Variants in PRR14L observed in about 807,000 individuals in gnomAD.
PRR14L encodes the protein proline rich 14 like, also known as protein PRR14L.
PRR14L carries 80 observed loss-of-function variants against 155.0 expected under a neutral mutation model. The observed-to-expected ratio is 0.52, with a 90% CI of 0.43 to 0.62. PRR14L has a LOEUF of 0.62. PRR14L is among the 20% of genes least tolerant of loss of function. PRR14L has a pLI of 0.00. For missense variants in PRR14L, 2,469 were observed against 2,548.0 expected, an observed-to-expected ratio of 0.97 and a Z score of 0.67; for synonymous variants, 883 against 916.0, an observed-to-expected ratio of 0.96 and a Z score of 0.65.
Position 31,737,834 on chromosome 22 carries a change from G to A in PRR14L, c.474+553C>T, listed in dbSNP as rs778880033. The stretch of plus-strand genomic sequence containing the variant: ...TCGAGACCAGCCTGGCCAACATGAC[G>A]AAACCCCGTCTCTACTAAAAACACA... On this transcript the variant is annotated intron_variant, in intron 2 of 8. Transcript: ENST00000327423. Among the ~76,000 whole-genome samples the A allele has an allele frequency of 9.9e-5, 15 of 152,014 alleles. 1 individual carries two copies. The highest frequency in any genetic ancestry group is 2.1e-4 in the South Asian group (1 of 4,804).
chr22:31,688,173 T>C lies in PRR14L; in HGVS notation c.6162A>G (p.Lys2054=). The change falls in exon 8 of 9, where the codon AAA becomes AAG. Residue 2054 remains lysine (K), a synonymous_variant. Transcript: ENST00000327423. ...GTACCTACCTGTTTGCAGGAGGAGA[T>C]TTATAATTCTTGTTGGTATATATCT... The part of the protein sequence containing the change: ...LEEIYTNKNY[K]SPPANRCLET... 1 of 1,605,044 alleles carries C rather than the reference T, an allele frequency of 6.2e-7. No individual in the cohort carries two copies. The highest frequency in any genetic ancestry group is 8.5e-7 in the Non-Finnish European group (1 of 1,176,448).
At chr22:31,698,543 AAAAG>A (rs759925838) in intron 7 of PRR14L, among the ~76,000 whole-genome samples, 11 of 152,150 alleles carry the variant, frequency 7.2e-5, no homozygotes, top group African/African-American at 2.2e-4. Flanking sequence ...TCAAAAAAAA[AAAAG>A]AAAGCAATCA....
rs1370438573 is a variant in PRR14L, at chr22:31,714,440, T to G, written c.3399A>C (p.Glu1133Asp). 1.0e-5 allele frequency: 16 copies of G among 1,551,556 alleles called. No individual in the cohort carries two copies. Among genetic ancestry groups the G allele is most frequent in the Non-Finnish European group, 1.2e-5 (14 of 1,146,972 alleles). Reference sequence around the variant, plus strand: ...CTTTTAAAGATCTGCATACGTTTTCTTCACATGATTTTTTTATTTTGAGAA... The same window carrying G: ...CTTTTAAAGATCTGCATACGTTTTCGTCACATGATTTTTTTATTTTGAGAA... ...VDFLKIKKSC[E>D]ENVCRSLKDC... Residue 1133 changes from glutamate (E) to aspartate (D), a missense_variant, in exon 4 of 9, where the codon GAA becomes GAC. Glu to Asp is a conservative substitution (Grantham distance 45). Transcript: ENST00000327423.
Position 31,684,307 on chromosome 22 carries a change from G to A in PRR14L, c.*1220C>T, listed in dbSNP as rs1454558779. ...TGGCCCTCAAAGAAGGCTGGCTGGG[G>A]ATTTTTGAGATCCCACTGCAGGAAC... On this transcript the variant is annotated 3_prime_UTR_variant, in exon 9 of 9. Transcript: ENST00000327423. 2 of 152,188 alleles carry A rather than the reference G, an allele frequency of 1.3e-5. No individual in the cohort carries two copies. The highest frequency in any genetic ancestry group is 2.9e-5 in the Non-Finnish European group (2 of 68,044). 9.4% of individuals were successfully genotyped at this position (152,188 alleles called of 1,614,324 possible).
At chr22:31,709,030 T>C (rs547071699) in intron 4 of PRR14L, among the ~76,000 whole-genome samples, 19 of 151,190 alleles carry the variant, frequency 1.3e-4, no homozygotes, top group Non-Finnish European at 2.2e-4. Context: ...TCCACGTTGG[T>C]CAGGCTGGTC....
chr22:31,738,312 G>A (rs966699515), intron 2 of PRR14L, 75 bp downstream of exon 2: 82 of 1,195,480 alleles, frequency 6.9e-5, no homozygotes, highest in Middle Eastern at 2.0e-4. Flanking sequence ...TGAGCCAACC[G>A]TCAGCATCTG....
chr22:31,684,741 GT>G lies in PRR14L; in HGVS notation c.*785del, dbSNP rs2074473803. The G allele has an allele frequency of 2.6e-5, 4 of 152,104 alleles. No homozygotes were observed. The South Asian group carries it at 8.3e-4, about 32-fold the overall frequency. The allele number at this position is 152,104 out of a possible 1,614,324, so 9.4% of individuals were successfully genotyped here. A position where few individuals can be genotyped will look rare whatever the true frequency, so the allele number is the denominator to read the frequency against. ...ATCATGTATTCTTAAGACATGTATT[GT>G]TTTTCTCCTTAAAAAAATGTTTTAA... On this transcript the variant is annotated 3_prime_UTR_variant, in exon 9 of 9. Coordinates refer to ENST00000327423, the MANE Select transcript of PRR14L (RefSeq NM_173566.3).
chr22:31,691,956 C>T (rs2074513968), intron 7 of PRR14L, among the ~76,000 whole-genome samples: 2 of 152,018 alleles, frequency 1.3e-5, no homozygotes, highest in African/African-American at 4.8e-5. Context: ...CAACCTCCAC[C>T]TCCTGCGTTA....
chr22:31,722,266 C>A (rs1321749022), intron 3 of PRR14L, among the ~76,000 whole-genome samples: 1 of 151,642 alleles, frequency 6.6e-6, no homozygotes, highest in Non-Finnish European at 1.5e-5. Flanking sequence ...TCCGTCTCTA[C>A]TAAAAATACA....
Position 31,714,912 on chromosome 22 carries a change from T to C in PRR14L, c.2927A>G (p.Gln976Arg), listed in dbSNP as rs1219903001. ...ADEVLDCQSNQNRPDECKSEG... is the reference protein window; with the variant it reads ...ADEVLDCQSNRNRPDECKSEG... ...ACTTTTGCATTCATCTGGTCTGTTT[T>C]GGTTACTCTGACAGTCAAGGACTTC... The change falls in exon 4 of 9, where the codon CAA becomes CGA. Residue 976 changes from glutamine to arginine, a missense_variant. Physicochemically the swap from Gln to Arg is conservative, Grantham distance 43. This residue lies in a region of PRR14L where 2,363 missense variants were observed against 2,371.6 expected (regional missense o/e 1.00). Transcript: ENST00000327423. The C allele has an allele frequency of 1.9e-6, 3 of 1,551,906 alleles. No homozygotes were observed. Among genetic ancestry groups the C allele is most frequent in the Admixed American group, 3.9e-5 (2 of 50,988 alleles).
chr22:31,692,150 G>A (rs540459124), intron 7 of PRR14L, among the ~76,000 whole-genome samples: 3 of 152,142 alleles, frequency 2.0e-5, no homozygotes, highest in East Asian at 1.9e-4. Context: ...TTACAGGCGT[G>A]AGCCACCGTG....
rs1245525218 is a variant in PRR14L at position 31,743,593 on chromosome 22, G to A, written c.-51-4682C>T. Among the ~76,000 whole-genome samples the A allele has an allele frequency of 2.0e-5, 3 of 152,064 alleles. 1 individual carries two copies. Among genetic ancestry groups the A allele is most frequent in the Non-Finnish European group, 4.4e-5 (3 of 68,010 alleles). On this transcript the variant is annotated intron_variant, in intron 1 of 8. Coordinates refer to ENST00000327423, the MANE Select transcript of PRR14L (RefSeq NM_173566.3). The stretch of plus-strand genomic sequence containing the variant: ...AGGTGGGTGGATCACTTGAGGTCAG[G>A]AGTTCCAGACCAGAATGGCCAACAT...
intron 8 of PRR14L, among the ~76,000 whole-genome samples, chr22:31,686,428 A>T (rs1055487583): frequency 1.3e-5 from 2 of 149,124 alleles, no homozygotes; most frequent in Non-Finnish European, 3.0e-5. Flanking sequence ...TAAAAAAAAA[A>T]CTTTTTTTTT....
intron 4 of PRR14L, among the ~76,000 whole-genome samples, chr22:31,711,465 G>A (rs1441580690): frequency 6.6e-6 from 1 of 151,570 alleles, no homozygotes; most frequent in Non-Finnish European, 1.5e-5. Context: ...GAATGAGACT[G>A]TTTCAAAAAA....
chr22:31,682,885 G>C lies in PRR14L; in HGVS notation c.*2642C>G, dbSNP rs1219099350. On this transcript the variant is annotated 3_prime_UTR_variant, in exon 9 of 9. Coordinates refer to ENST00000327423, the MANE Select transcript of PRR14L (RefSeq NM_173566.3). ...CATCGTGGTTAGGGACCACGGGCCT[G>C]GGGACCCCTGACAACACTGCAGCTG... 6.6e-6 allele frequency: 1 copy of C among 152,242 alleles called. No individual in the cohort carries two copies. The highest frequency in any genetic ancestry group is 1.5e-5 in the Non-Finnish European group (1 of 68,082). 9.4% of individuals were successfully genotyped at this position (152,242 alleles called of 1,614,324 possible).
Position 31,738,498 on chromosome 22 carries a change from G to C in PRR14L, c.363C>G (p.Val121=). Residue 121 remains valine (V), a synonymous_variant, in exon 2 of 9, where the codon GTC becomes GTG. Coordinates refer to ENST00000327423, the MANE Select transcript of PRR14L (RefSeq NM_173566.3). ...AKRSESMEPK[V]FRDPGGQAGI... ...CTGCCTGGCCCCCTGGATCTCTGAA[G>C]ACCTTTGGCTCCATGCTCTCGCTTC... 2 of 1,552,064 alleles carry C rather than the reference G, an allele frequency of 1.3e-6. No homozygotes were observed. Among genetic ancestry groups the C allele is most frequent in the Non-Finnish European group, 1.7e-6 (2 of 1,147,078 alleles).
At position 31,713,980 on chromosome 22, in the gene PRR14L, C is replaced by T; in HGVS notation, c.3859G>A (p.Val1287Ile). 3 of 1,551,660 alleles carry T rather than the reference C, an allele frequency of 1.9e-6. No homozygotes were observed. Among genetic ancestry groups the T allele is most frequent in the East Asian group, 2.4e-5 (1 of 40,926 alleles). Reference protein sequence around the residue: ...CTVLPEMKEIVSRDWSNSSDR... With the variant: ...CTVLPEMKEIISRDWSNSSDR... ...CTAGAATTACTCCAATCTCTTGATACTATTTCCTTCATCTCAGGAAGGACT... is the reference window on the plus strand; with the variant it reads ...CTAGAATTACTCCAATCTCTTGATATTATTTCCTTCATCTCAGGAAGGACT... The change falls in exon 4 of 9, where the codon GTA becomes ATA. Residue 1287 changes from valine to isoleucine, a missense_variant. Val to Ile is a conservative substitution (Grantham distance 29). This residue lies in a region of PRR14L where 2,363 missense variants were observed against 2,371.6 expected (regional missense o/e 1.00). Transcript: ENST00000327423.
At chr22:31,705,303 C>G (rs544411981) in intron 4 of PRR14L, among the ~76,000 whole-genome samples, 2 of 152,122 alleles carry the variant, frequency 1.3e-5, no homozygotes, top group Non-Finnish European at 2.9e-5. Context: ...ATATATTATA[C>G]CACTCAGTTG....
intron 3 of PRR14L, among the ~76,000 whole-genome samples, chr22:31,719,885 C>T (rs143230823): frequency 1.3e-4 from 20 of 152,182 alleles, no homozygotes; most frequent in Admixed American, 3.3e-4. Flanking sequence ...TGTAGGCACA[C>T]GCCACCATGT....
Sources: gnomAD v4.1 joint callset for allele counts (sites outside exome capture counted in the v4.1 genomes callset) on GRCh38, gnomAD v4.1.1 for gene constraint, gnomAD v4.1.1 regional missense constraint, MANE v1.5 for transcripts, NCBI Gene and HGNC (gene_info 2026-07-23, HGNC 2026-07-21) for gene names.